ZNF277: variants seen among roughly 807,000 people sequenced by gnomAD.
ZNF277 encodes nuclear receptor-interacting factor 4.
Under a neutral mutation model 60.7 loss-of-function variants are expected in ZNF277, and 55 were observed. That is an observed-to-expected ratio of 0.91 (90% confidence interval 0.73 to 1.13). The LOEUF is 1.13. Ranked by LOEUF, ZNF277 falls within the 50% of genes most tolerant of loss-of-function variation. The pLI, the probability that ZNF277 is intolerant of heterozygous loss-of-function variation, is 0.00. For synonymous variants in ZNF277, 178 were observed against 179.3 expected (o/e 0.99, Z 0.06); for missense variants, 510 against 523.0 (o/e 0.98, Z 0.24).
At chr7:112,336,213 G>A (rs372216059) in intron 8 of ZNF277, 42 bp downstream of exon 8, 2 of 1,542,798 alleles carry the variant, frequency 1.3e-6, no homozygotes, top group Non-Finnish European at 1.8e-6. Flanking sequence ...AGTGTTCCAA[G>A]AGTAAGAAGA....
Position 112,276,149 on chromosome 7 carries a change from A to G in ZNF277, c.92-10724A>G, listed in dbSNP as rs111865691. Among the ~76,000 whole-genome samples the G allele has an allele frequency of 2.9e-3, 436 of 152,326 alleles. 2 individuals carry two copies. Among genetic ancestry groups the G allele is most frequent in the African/African-American group, 0.01 (418 of 41,574 alleles). ...CCTGAACTCATTGAGAGTTTTCTAGACAAAAAGAATAGATTTGGAAATAAC... is the reference window on the plus strand; with the variant it reads ...CCTGAACTCATTGAGAGTTTTCTAGGCAAAAAGAATAGATTTGGAAATAAC... On this transcript the variant is annotated intron_variant, in intron 1 of 11. Transcript: ENST00000361822.
intron 1 of ZNF277, among the ~76,000 whole-genome samples, chr7:112,225,167 T>C (rs1174857958): frequency 2.6e-5 from 4 of 152,146 alleles, no homozygotes; most frequent in African/African-American, 7.2e-5. Flanking sequence ...CAGGTAGAGA[T>C]GAGGCCAAGA....
At chr7:112,276,249 T>G (rs866595620) in intron 1 of ZNF277, among the ~76,000 whole-genome samples, 8 of 152,196 alleles carry the variant, frequency 5.3e-5, no homozygotes, top group African/African-American at 9.7e-5. Flanking sequence ...GAAAGAAATG[T>G]CTGGGTATTT....
intron 4 of ZNF277, among the ~76,000 whole-genome samples, chr7:112,316,979 G>T (rs1238870249): frequency 6.8e-6 from 1 of 147,950 alleles, no homozygotes; most frequent in Non-Finnish European, 1.5e-5. Context: ...GCCATAAAAA[G>T]GGCAAGTTCA....
intron 4 of ZNF277, among the ~76,000 whole-genome samples, chr7:112,303,752 C>T (rs1426564095): frequency 6.6e-6 from 1 of 151,884 alleles, no homozygotes; most frequent in Non-Finnish European, 1.5e-5. Flanking sequence ...CTGATATTTT[C>T]CATGTGAATG....
At chr7:112,236,328 G>A (rs1790784478) in intron 1 of ZNF277, among the ~76,000 whole-genome samples, 1 of 151,960 alleles carries the variant, frequency 6.6e-6, no homozygotes, top group Non-Finnish European at 1.5e-5. Flanking sequence ...TTTATTCTTA[G>A]TGGATTATTT....
At chr7:112,279,009 C>G (rs1791882187) in intron 1 of ZNF277, among the ~76,000 whole-genome samples, 1 of 152,138 alleles carries the variant, frequency 6.6e-6, no homozygotes, top group Non-Finnish European at 1.5e-5. Flanking sequence ...CCTTCTGTGA[C>G]TGGCTTATTT....
chr7:112,337,232 C>T (rs151054090), intron 8 of ZNF277, among the ~76,000 whole-genome samples: 2 of 152,306 alleles, frequency 1.3e-5, no homozygotes, highest in East Asian at 3.9e-4. Flanking sequence ...CTGTCTACCG[C>T]CAGATTTAAC....
At chr7:112,285,972 C>T (rs1792054626) in intron 1 of ZNF277, among the ~76,000 whole-genome samples, 2 of 152,136 alleles carry the variant, frequency 1.3e-5, no homozygotes, top group African/African-American at 4.8e-5. Context: ...AGGCCTTACC[C>T]TAGTTTCTTT....
At chr7:112,260,730 G>A (rs1173797047) in intron 1 of ZNF277, among the ~76,000 whole-genome samples, 8 of 152,108 alleles carry the variant, frequency 5.3e-5, no homozygotes, top group Non-Finnish European at 1.5e-5. Flanking sequence ...CCTAAAACTA[G>A]GGCAAAATGG....
chr7:112,246,184 G>A (rs1791080350), intron 1 of ZNF277, among the ~76,000 whole-genome samples: 1 of 151,908 alleles, frequency 6.6e-6, no homozygotes, highest in African/African-American at 2.4e-5. Flanking sequence ...AGGAGTTTGA[G>A]ACCAGCCCGG....
At chr7:112,246,970 G>A (rs1256425330) in intron 1 of ZNF277, among the ~76,000 whole-genome samples, 2 of 152,002 alleles carry the variant, frequency 1.3e-5, no homozygotes, top group African/African-American at 2.4e-5. Flanking sequence ...TTTGAGTTAT[G>A]TATTCATCTC....
chr7:112,235,814 T>C (rs1822472950), intron 1 of ZNF277, among the ~76,000 whole-genome samples: 1 of 151,984 alleles, frequency 6.6e-6, no homozygotes, highest in South Asian at 2.1e-4. Flanking sequence ...CTTTAATCAC[T>C]TGTATTCTTC....
chr7:112,249,983 G>A (rs1791166927), intron 1 of ZNF277, among the ~76,000 whole-genome samples: 1 of 152,174 alleles, frequency 6.6e-6, no homozygotes, highest in Non-Finnish European at 1.5e-5. Context: ...CAATTGTTCA[G>A]GGAATAAGAG....
intron 9 of ZNF277, among the ~76,000 whole-genome samples, chr7:112,338,042 A>G (rs1013593649): frequency 6.6e-6 from 1 of 152,212 alleles, no homozygotes; most frequent in Non-Finnish European, 1.5e-5. Context: ...GATTTCTCAG[A>G]CCACTGATGC....
chr7:112,249,955 A>G (rs997006811), intron 1 of ZNF277, among the ~76,000 whole-genome samples: 1 of 152,238 alleles, frequency 6.6e-6, no homozygotes, highest in South Asian at 2.1e-4. Flanking sequence ...GCTCCTTAAA[A>G]AAAGAACAGG....
At chr7:112,312,128 C>A (rs994936126) in intron 4 of ZNF277, among the ~76,000 whole-genome samples, 1 of 152,018 alleles carries the variant, frequency 6.6e-6, no homozygotes, top group African/African-American at 2.4e-5. Flanking sequence ...ATCTGGTAGA[C>A]TACATTTTGA....
chr7:112,319,624 T>C (rs192313372), intron 5 of ZNF277, among the ~76,000 whole-genome samples: 74 of 148,538 alleles, frequency 5.0e-4, no homozygotes, highest in Admixed American at 3.1e-3. Flanking sequence ...TAGCCACTTA[T>C]TGGAATTTAT....
chr7:112,244,360 T>C (rs1307245809), intron 1 of ZNF277, among the ~76,000 whole-genome samples: 1 of 152,154 alleles, frequency 6.6e-6, no homozygotes, highest in Non-Finnish European at 1.5e-5. Context: ...TTAAGCCTAA[T>C]GGAAATATAT....
Sources: allele counts gnomAD v4.1 joint callset (sites outside exome capture counted in the v4.1 genomes callset), GRCh38; gene constraint gnomAD v4.1.1; transcripts MANE v1.5; gene names NCBI Gene and HGNC (gene_info 2026-07-23, HGNC 2026-07-21).